NRG3: variants seen among roughly 807,000 people sequenced by gnomAD.
The protein encoded by NRG3 is pro-neuregulin-3, membrane-bound isoform.
NRG3 carries 31 observed loss-of-function variants against 66.9 expected under a neutral mutation model. The observed-to-expected ratio is 0.46, with a 90% CI of 0.35 to 0.63. NRG3 has a LOEUF of 0.63. Ranked by LOEUF, NRG3 falls within the 20% of genes least tolerant of loss-of-function variation. The pLI, the probability that NRG3 is intolerant of heterozygous loss-of-function variation, is 0.00. For synonymous variants in NRG3, 393 were observed against 359.4 expected, an observed-to-expected ratio of 1.09 and a Z score of -1.06; for missense variants, 910 against 878.9, an observed-to-expected ratio of 1.04 and a Z score of -0.45.
At chr10:82,632,614 T>C (rs900395316) in intron 2 of NRG3, among the ~76,000 whole-genome samples, 1 of 152,188 alleles carries the variant, frequency 6.6e-6, no homozygotes, top group Non-Finnish European at 1.5e-5. Flanking sequence ...GTTGGTAATC[T>C]TCGCAAAAGA....
At chr10:82,067,632 G>A (rs927781568) in intron 1 of NRG3, among the ~76,000 whole-genome samples, 3 of 152,232 alleles carry the variant, frequency 2.0e-5, no homozygotes, top group African/African-American at 7.2e-5. Context: ...ATAGGTGTGA[G>A]CCACCACACC....
chr10:82,747,584 T>C (rs2058697444), intron 3 of NRG3, among the ~76,000 whole-genome samples: 1 of 152,200 alleles, frequency 6.6e-6, no homozygotes, highest in East Asian at 1.9e-4. Context: ...TTGCCAGCAA[T>C]ATTGAATCCT....
At chr10:82,210,260 A>G (rs1384482886) in intron 1 of NRG3, among the ~76,000 whole-genome samples, 1 of 152,182 alleles carries the variant, frequency 6.6e-6, no homozygotes, top group African/African-American at 2.4e-5. Context: ...CAATGAGTCT[A>G]TTTTAAGGTA....
In NRG3 at chr10:81,971,635, G is replaced by C. The variant is rs2059937326; in HGVS notation, c.823+95472G>C. On this transcript the variant is annotated intron_variant, in intron 1 of 8. Transcript: ENST00000372141. ...GTGAAGTACAGTGATCTTGAGGTAGGAAACAAATGAGGAAAGTCATATGAT... is the reference window on the plus strand; with the variant it reads ...GTGAAGTACAGTGATCTTGAGGTAGCAAACAAATGAGGAAAGTCATATGAT... Among the ~76,000 whole-genome samples, 4 of 152,172 alleles carry C rather than the reference G, an allele frequency of 2.6e-5. No homozygotes were observed. In the South Asian group the frequency reaches 8.3e-4, roughly 32 times the overall value.
At chr10:82,983,238 A>G (rs1853107750) in intron 8 of NRG3, among the ~76,000 whole-genome samples, 1 of 152,220 alleles carries the variant, frequency 6.6e-6, no homozygotes, top group Non-Finnish European at 1.5e-5. Flanking sequence ...TTTCATACAT[A>G]CAAATCATGC....
Position 82,415,070 on chromosome 10 carries a change from A to G in NRG3, c.953+56202A>G, listed in dbSNP as rs781198856. ...CTATTTCACCAAACAACTGAGCACC[A>G]TCATTTAGCCAAATTGACATTAAAA... On this transcript the variant is annotated intron_variant, in intron 2 of 8. Coordinates refer to ENST00000372141, the MANE Select transcript of NRG3 (RefSeq NM_001010848.4). Among the ~76,000 whole-genome samples the G allele has an allele frequency of 1.6e-4, 25 of 152,312 alleles. No homozygotes were observed. In the Middle Eastern group the frequency reaches 0.01, roughly 62 times the overall value.
At chr10:82,656,351 C>T (rs1263038473) in intron 2 of NRG3, among the ~76,000 whole-genome samples, 1 of 140,944 alleles carries the variant, frequency 7.1e-6, no homozygotes, top group African/African-American at 2.6e-5. Flanking sequence ...TGCTGGAATG[C>T]CTCAGAGTAC....
intron 2 of NRG3, among the ~76,000 whole-genome samples, chr10:82,586,822 A>G (rs17100288): frequency 1.2e-3 from 190 of 152,326 alleles, no homozygotes; most frequent in African/African-American, 4.1e-3. Flanking sequence ...TGTAGAATTT[A>G]TGTATATTGT....
chr10:82,169,190 G>C (rs1005288020), intron 1 of NRG3, among the ~76,000 whole-genome samples: 3 of 152,090 alleles, frequency 2.0e-5, no homozygotes, highest in Admixed American at 2.0e-4. Flanking sequence ...ATGCACACCT[G>C]TGTAGTTCTT....
intron 1 of NRG3, among the ~76,000 whole-genome samples, chr10:82,029,426 C>T (rs1336645052): frequency 6.6e-6 from 1 of 151,976 alleles, no homozygotes; most frequent in African/African-American, 2.4e-5. Context: ...ATAAGTGATA[C>T]CTGTTATATT....
intron 1 of NRG3, among the ~76,000 whole-genome samples, chr10:81,927,097 T>G (rs1190209063): frequency 2.6e-5 from 4 of 152,218 alleles, no homozygotes; most frequent in Non-Finnish European, 5.9e-5. Flanking sequence ...AATAAATTAC[T>G]AGAGAATTTT....
chr10:82,044,782 G>A (rs942193206), intron 1 of NRG3, among the ~76,000 whole-genome samples: 1 of 151,932 alleles, frequency 6.6e-6, no homozygotes, highest in African/African-American at 2.4e-5. Flanking sequence ...TGTTCTCATT[G>A]TTCAACTCCC....
intron 1 of NRG3, among the ~76,000 whole-genome samples, chr10:82,155,156 T>C (rs1686278450): frequency 6.6e-6 from 1 of 151,742 alleles, no homozygotes; most frequent in South Asian, 2.1e-4. Flanking sequence ...CACACAGATA[T>C]AAATGTTTTC....
intron 7 of NRG3, among the ~76,000 whole-genome samples, chr10:82,977,456 A>G (rs572958157): frequency 6.6e-6 from 1 of 152,174 alleles, no homozygotes; most frequent in African/African-American, 2.4e-5. Flanking sequence ...TAAAAATACA[A>G]AAATTAGCCT....
chr10:82,729,609 G>C (rs1006979500), intron 2 of NRG3, among the ~76,000 whole-genome samples: 2 of 152,244 alleles, frequency 1.3e-5, no homozygotes, highest in Non-Finnish European at 2.9e-5. Context: ...TGAGGTTGAG[G>C]TGAAGCTCAT....
rs181568711 is a variant in NRG3, at chr10:82,148,716, T to G, written c.824-210023T>G. Among the ~76,000 whole-genome samples, 71 of 152,290 alleles carry G rather than the reference T, an allele frequency of 4.7e-4. 1 individual carries two copies. Among genetic ancestry groups the G allele is most frequent in the African/African-American group, 1.7e-3 (71 of 41,562 alleles). On this transcript the variant is annotated intron_variant, in intron 1 of 8. Transcript: ENST00000372141. ...CGTATTGATGATACTGATTCTCACC[T>G]TGGGAATCACTGACCTAGGAAATGT...
chr10:82,808,796 G>A (rs2061385293), intron 3 of NRG3, among the ~76,000 whole-genome samples: 1 of 152,128 alleles, frequency 6.6e-6, no homozygotes, highest in Non-Finnish European at 1.5e-5. Flanking sequence ...CCTGGGATAA[G>A]ATGATAAAAC....
chr10:82,553,632 G>T (rs530189245), intron 2 of NRG3, among the ~76,000 whole-genome samples: 1 of 152,216 alleles, frequency 6.6e-6, no homozygotes, highest in African/African-American at 2.4e-5. Context: ...GAATGCGAAA[G>T]AATCCATGGA....
chr10:82,074,394 T>A (rs1267118111), intron 1 of NRG3, among the ~76,000 whole-genome samples: 5 of 152,208 alleles, frequency 3.3e-5, no homozygotes, highest in Non-Finnish European at 5.9e-5. Context: ...CTAAGAATGA[T>A]CAGAACTCAT....
Sources: allele counts gnomAD v4.1 joint callset (sites outside exome capture counted in the v4.1 genomes callset), GRCh38; gene constraint gnomAD v4.1.1; transcripts MANE v1.5; gene names NCBI Gene and HGNC (gene_info 2026-07-23, HGNC 2026-07-21).